RB1CC1: variants seen among roughly 807,000 people sequenced by gnomAD.
RB1CC1 encodes the protein RB1 inducible coiled-coil 1, also known as RB1-inducible coiled-coil protein 1.
In RB1CC1, 46 loss-of-function variants were observed where a neutral mutation model predicts 177.5. That is an observed-to-expected ratio of 0.26 (90% CI 0.20 to 0.33). The LOEUF (loss-of-function observed/expected upper bound fraction) is 0.33. RB1CC1 is among the 10% of genes least tolerant of loss of function. RB1CC1 has a pLI of 1.00. For missense variants in RB1CC1, 1,703 were observed against 1,816.3 expected (o/e 0.94, Z 1.13); for synonymous variants, 666 against 613.6 (o/e 1.09, Z -1.26).
At chr8:52,696,335 C>A (rs1411870514) in intron 1 of RB1CC1, among the ~76,000 whole-genome samples, 1 of 152,190 alleles carries the variant, frequency 6.6e-6, no homozygotes, top group African/African-American at 2.4e-5. Context: ...AGCCACCACG[C>A]CCGGCCTACT....
At chr8:52,699,363 A>T (rs894766088) in intron 1 of RB1CC1, among the ~76,000 whole-genome samples, 1 of 152,180 alleles carries the variant, frequency 6.6e-6, no homozygotes, top group African/African-American at 2.4e-5. Context: ...CAAAATTTAC[A>T]GGTCAAAAGT....
chr8:52,661,788 T>C (rs1176764076), intron 8 of RB1CC1, 69 bp from the exon 9 acceptor site: 8 of 1,207,172 alleles, frequency 6.6e-6, no homozygotes, highest in East Asian at 5.3e-5. Flanking sequence ...TTCAGTTAAG[T>C]GGAAAATCTT....
chr8:52,648,802 T>A (rs1216360673), intron 15 of RB1CC1, among the ~76,000 whole-genome samples: 1 of 152,234 alleles, frequency 6.6e-6, no homozygotes, highest in Admixed American at 6.5e-5. Context: ...TTTGATTTTT[T>A]TTCTTACTAA....
In RB1CC1 at chr8:52,685,299, C is replaced by T. The variant is rs1043195801; in HGVS notation, c.71+100G>A. On this transcript the variant is annotated intron_variant, in intron 3 of 23. Coordinates refer to ENST00000025008, the MANE Select transcript of RB1CC1 (RefSeq NM_014781.5). ...GATTACAGGCGTGAGGTACCGCACC[C>T]GGCCGCCATTATCCTACTTTTTAAA... 1.8e-4 allele frequency: 157 copies of T among 893,302 alleles called. No homozygotes were observed. Among genetic ancestry groups the T allele is most frequent in the Non-Finnish European group, 2.4e-4 (139 of 578,068 alleles). The allele number at this position is 893,302 out of a possible 1,614,324, so 55.3% of individuals were successfully genotyped here. A position where few individuals can be genotyped will look rare whatever the true frequency, so the allele number is the denominator to read the frequency against.
chr8:52,630,991 AGGAAG>A (rs1218017819), intron 20 of RB1CC1, among the ~76,000 whole-genome samples: 1 of 152,210 alleles, frequency 6.6e-6, no homozygotes. Flanking sequence ...AAACAAAGGA[AGGAAG>A]GGGTTTTATC....
chr8:52,660,156 C>A (rs72633834), intron 12 of RB1CC1, among the ~76,000 whole-genome samples: 13 of 152,144 alleles, frequency 8.5e-5, no homozygotes, highest in Non-Finnish European at 1.3e-4. Context: ...CCAGTGAAGT[C>A]TAACTGAGGC....
chr8:52,631,716 T>C (rs1202828908), intron 20 of RB1CC1, among the ~76,000 whole-genome samples: 1 of 152,180 alleles, frequency 6.6e-6, no homozygotes, highest in Non-Finnish European at 1.5e-5. Context: ...TATATGCTCG[T>C]CGGGAAAATT....
At chr8:52,651,900 TAA>T (rs1456242791) in intron 15 of RB1CC1, among the ~76,000 whole-genome samples, 2 of 152,308 alleles carry the variant, frequency 1.3e-5, no homozygotes, top group Admixed American at 1.3e-4. Flanking sequence ...CAATAAATGT[TAA>T]GATTATGAGA....
intron 1 of RB1CC1, among the ~76,000 whole-genome samples, chr8:52,696,502 C>T (rs989796046): frequency 6.6e-6 from 1 of 152,096 alleles, no homozygotes; most frequent in South Asian, 2.1e-4. Flanking sequence ...AGGAAAACAA[C>T]TTTAAAAGGC....
chr8:52,650,525 T>G (rs1850475263), intron 15 of RB1CC1, among the ~76,000 whole-genome samples: 1 of 152,146 alleles, frequency 6.6e-6, no homozygotes, highest in Non-Finnish European at 1.5e-5. Context: ...TACTATCCAG[T>G]CTCCTAGTTC....
At chr8:52,675,434 C>T (rs1317343402) in intron 6 of RB1CC1, among the ~76,000 whole-genome samples, 1 of 151,986 alleles carries the variant, frequency 6.6e-6, no homozygotes, top group Non-Finnish European at 1.5e-5. Context: ...AGCATATGCA[C>T]ACACACACAA....
intron 6 of RB1CC1, 125 bp from the exon 7 acceptor site, chr8:52,674,399 A>T (rs564751191): frequency 2.9e-4 from 233 of 807,860 alleles, no homozygotes; most frequent in Non-Finnish European, 4.4e-4. Context: ...CATTATACAT[A>T]CATAAACTAG....
chr8:52,651,710 T>C (rs1850601412), intron 15 of RB1CC1, among the ~76,000 whole-genome samples: 1 of 151,976 alleles, frequency 6.6e-6, no homozygotes, highest in African/African-American at 2.4e-5. Flanking sequence ...GCACTCAAAG[T>C]GGGGAGGAAA....
At chr8:52,641,879 T>G (rs1849616467) in intron 18 of RB1CC1, among the ~76,000 whole-genome samples, 1 of 152,116 alleles carries the variant, frequency 6.6e-6, no homozygotes, top group African/African-American at 2.4e-5. Context: ...AAAGGAGAAC[T>G]GGTAAGAAAG....
At chr8:52,692,195 A>T (rs1244422775) in intron 1 of RB1CC1, among the ~76,000 whole-genome samples, 1 of 152,126 alleles carries the variant, frequency 6.6e-6, no homozygotes, top group African/African-American at 2.4e-5. Context: ...GGTACCAGGC[A>T]TTTTCTTAAC....
intron 5 of RB1CC1, among the ~76,000 whole-genome samples, chr8:52,680,896 G>A (rs924384833): frequency 9.2e-5 from 14 of 152,086 alleles, no homozygotes; most frequent in Non-Finnish European, 2.1e-4. Context: ...AATGAACAGG[G>A]AGGATGAAAA....
Position 52,714,216 on chromosome 8 carries a change from G to A in RB1CC1, c.-308C>T, listed in dbSNP as rs897063913. 1 of 224,096 alleles carries A rather than the reference G, an allele frequency of 4.5e-6. No individual in the cohort carries two copies. The highest frequency in any genetic ancestry group is 2.4e-5 in the African/African-American group (1 of 41,810). 13.9% of individuals were successfully genotyped at this position (224,096 alleles called of 1,614,324 possible). ...AGCCGACACAACCGCCGGCGTCCCG[G>A]GCGCCCGCCCGCCGCGGCCCCGAAC... On this transcript the variant is annotated 5_prime_UTR_variant, in exon 1 of 24. Coordinates refer to ENST00000025008, the MANE Select transcript of RB1CC1 (RefSeq NM_014781.5).
At chr8:52,666,496 C>T (rs1285579981) in intron 8 of RB1CC1, among the ~76,000 whole-genome samples, 1 of 149,044 alleles carries the variant, frequency 6.7e-6, no homozygotes, top group South Asian at 2.1e-4. Flanking sequence ...CTAGTCTGGG[C>T]TACAAGAGCG....
rs770948020 is a variant in RB1CC1, at chr8:52,658,058, T to C, written c.1860A>G (p.Lys620=). Reference sequence around the variant, plus strand: ...ACATTTCATCCAAACTTTGTGCTGCTTTTACCAAATTATGTAGAGCAAGTA... The same window carrying C: ...ACATTTCATCCAAACTTTGTGCTGCCTTTACCAAATTATGTAGAGCAAGTA... ...QHVLALHNLV[K]AAQSLDEMSQ... The change falls in exon 14 of 24, where the codon AAA becomes AAG. Residue 620 remains lysine, a synonymous_variant. Coordinates refer to ENST00000025008, the MANE Select transcript of RB1CC1 (RefSeq NM_014781.5). 1 of 1,614,062 alleles carries C rather than the reference T, an allele frequency of 6.2e-7. No individual in the cohort carries two copies. The highest frequency in any genetic ancestry group is 8.5e-7 in the Non-Finnish European group (1 of 1,179,982).
Sources: allele counts gnomAD v4.1 joint callset (sites outside exome capture counted in the v4.1 genomes callset), GRCh38; gene constraint gnomAD v4.1.1; transcripts MANE v1.5; gene names NCBI Gene and HGNC (gene_info 2026-07-23, HGNC 2026-07-21).